The following ZNF613 variants were observed in gnomAD, a reference collection of about 807,000 sequenced individuals.
ZNF613 encodes zinc finger protein 613.
A neutral mutation model predicts 14.3 loss-of-function variants in ZNF613; 8 were observed. The ratio of observed to expected loss-of-function variants is 0.56; its 90% confidence interval spans 0.33 to 1.01. ZNF613 has a LOEUF of 1.01. Ranked by LOEUF, ZNF613 falls within the 50% of genes least tolerant of loss-of-function variation. ZNF613 has a pLI of 0.03. For synonymous variants in ZNF613, 228 were observed against 254.5 expected, an observed-to-expected ratio of 0.90 and a Z score of 0.99; for missense variants, 656 against 741.9, an observed-to-expected ratio of 0.88 and a Z score of 1.35.
At chr19:51,931,795 C>T (rs1348359900) in intron 2 of ZNF613, among the ~76,000 whole-genome samples, 4 of 152,218 alleles carry the variant, frequency 2.6e-5, no homozygotes, top group African/African-American at 9.6e-5. Context: ...CAACTATGTG[C>T]TTTCCGTCTC....
chr19:51,936,363 A>G (rs2085305396), intron 3 of ZNF613, 128 bp downstream of exon 3: 2 of 967,660 alleles, frequency 2.1e-6, no homozygotes, highest in African/African-American at 1.7e-5. Flanking sequence ...GTAAATTTAG[A>G]TTGTAATTTC....
chr19:51,933,485 C>T (rs1003635572), intron 2 of ZNF613, among the ~76,000 whole-genome samples: 1 of 152,098 alleles, frequency 6.6e-6, no homozygotes, highest in Non-Finnish European at 1.5e-5. Context: ...ACTCTGTCAC[C>T]TAGGCTGGAG....
Position 51,936,197 on chromosome 19 carries a change from G to A in ZNF613, c.-24G>A. 6.2e-7 allele frequency: 1 copy of A among 1,603,398 alleles called. No individual in the cohort carries two copies. Among genetic ancestry groups the A allele is most frequent in the Non-Finnish European group, 8.5e-7 (1 of 1,174,968 alleles). On this transcript the variant is annotated 5_prime_UTR_variant, in exon 3 of 6. Coordinates refer to ENST00000293471, the MANE Select transcript of ZNF613 (RefSeq NM_001031721.4). ...TACAGACACAGCATCCTACTTACTG[G>A]CTATTTCCCAGTAACAAAAGAAAAT...
intron 5 of ZNF613, 146 bp from the exon 6 acceptor site, chr19:51,943,973 T>C: frequency 2.0e-6 from 1 of 509,076 alleles, no homozygotes; most frequent in Non-Finnish European, 3.2e-6. Flanking sequence ...TGGTTTATTC[T>C]TGTCCAAGTG....
chr19:51,941,395 G>C lies in ZNF613; in HGVS notation c.235+686G>C, dbSNP rs181354279. 3.2e-3 allele frequency among the ~76,000 whole-genome samples: 493 copies of C among 152,136 alleles called. 1 individual carries two copies. Among genetic ancestry groups the C allele is most frequent in the Non-Finnish European group, 4.6e-3 (311 of 67,988 alleles). On this transcript the variant is annotated intron_variant, in intron 5 of 5. Transcript: ENST00000293471. Reference sequence around the variant, plus strand: ...TCCTCCTTCCATGTCTGTCTCCAAAGAGTGGTCTTGGATATCAGCACTCTC... The same window carrying C: ...TCCTCCTTCCATGTCTGTCTCCAAACAGTGGTCTTGGATATCAGCACTCTC...
chr19:51,945,330 C>A lies in ZNF613; in HGVS notation c.1447C>A (p.Pro483Thr), dbSNP rs750708852. 15 of 1,613,940 alleles carry A rather than the reference C, an allele frequency of 9.3e-6. No individual in the cohort carries two copies. The highest frequency in any genetic ancestry group is 1.2e-5 in the Non-Finnish European group (14 of 1,180,008). ...CCAGAGAATTCACACAGGAGAGAAA[C>A]CCTATACATGCAGTGACTGTGGGAA... is the stretch of plus-strand genomic sequence containing the variant. ...NHQRIHTGEKPYTCSDCGKAF... is the reference protein window; with the variant it reads ...NHQRIHTGEKTYTCSDCGKAF... Residue 483 changes from proline (P) to threonine (T), a missense_variant, in exon 6 of 6, where the codon CCC becomes ACC. Pro to Thr is a conservative substitution (Grantham distance 38). Transcript: ENST00000293471.
At chr19:51,934,433 A>G (rs1297442651) in intron 2 of ZNF613, among the ~76,000 whole-genome samples, 1 of 152,094 alleles carries the variant, frequency 6.6e-6, no homozygotes, top group Non-Finnish European at 1.5e-5. Flanking sequence ...AGGGATAACT[A>G]TTCCCTTGAA....
chr19:51,943,117 A>C (rs561550054), intron 5 of ZNF613, among the ~76,000 whole-genome samples: 1 of 152,376 alleles, frequency 6.6e-6, no homozygotes, highest in East Asian at 1.9e-4. Context: ...GAAAGTATAC[A>C]GGAGAAGGCA....
Position 51,940,243 on chromosome 19 carries a change from T to C in ZNF613, c.50T>C (p.Phe17Ser). 6.2e-7 allele frequency: 1 copy of C among 1,613,778 alleles called. No individual in the cohort carries two copies. Among genetic ancestry groups the C allele is most frequent in the Non-Finnish European group, 8.5e-7 (1 of 1,179,810 alleles). ...SLTLEDVAVE[F>S]TWEEWQLLGP... ...ACCCTGGAGGATGTGGCTGTGGAGT[T>C]CACTTGGGAGGAGTGGCAGCTCCTC... The change falls in exon 4 of 6, where the codon TTC (phenylalanine) becomes TCC (serine). Residue 17 changes from phenylalanine to serine, a missense_variant. Physicochemically the swap from Phe to Ser is radical, Grantham distance 155. Coordinates refer to ENST00000293471, the MANE Select transcript of ZNF613 (RefSeq NM_001031721.4).
intron 5 of ZNF613, chr19:51,942,658 G>A (rs1347751996): frequency 6.6e-6 from 1 of 152,048 alleles, no homozygotes; most frequent in African/African-American, 2.4e-5. Context: ...GTTTGGGGTA[G>A]ACAGGTCATG....
intron 5 of ZNF613, among the ~76,000 whole-genome samples, chr19:51,941,286 T>G (rs975987288): frequency 6.6e-6 from 1 of 152,164 alleles, no homozygotes; most frequent in Non-Finnish European, 1.5e-5. Context: ...GTTTCTTCCT[T>G]TTTAGGATTC....
rs772231049 is a variant in ZNF613, at chr19:51,945,203, G to A, written c.1320G>A (p.Lys440=). The change falls in exon 6 of 6, where the codon AAG becomes AAA. Residue 440 remains lysine (K), a synonymous_variant. Transcript: ENST00000293471. ...AATGTGGGAAAGGCTTCAGCCAGAA[G>A]ACATGTTTAATATCCCATCAGAGAT... ...CNECGKGFSQ[K]TCLISHQRFH... is the part of the protein sequence containing the mutation. 1 of 1,614,168 alleles carries A rather than the reference G, an allele frequency of 6.2e-7. No homozygotes were observed. The highest frequency in any genetic ancestry group is 8.5e-7 in the Non-Finnish European group (1 of 1,180,024).
chr19:51,929,218 T>A (rs532876984), intron 1 of ZNF613, among the ~76,000 whole-genome samples: 208 of 152,066 alleles, frequency 1.4e-3, no homozygotes, highest in African/African-American at 3.9e-3. Context: ...TGTTTAAAAA[T>A]TTTTTTTTAA....
rs8100521 is a variant in ZNF613, at chr19:51,946,390, A to G, written c.*653A>G. The stretch of plus-strand genomic sequence containing the variant: ...CATCATTGGTTAAATTTATAGCACA[A>G]TGTACCTCTTCCCCCTTTTTTGATA... On this transcript the variant is annotated 3_prime_UTR_variant, in exon 6 of 6. Coordinates refer to ENST00000293471, the MANE Select transcript of ZNF613 (RefSeq NM_001031721.4). 24,889 of 152,254 alleles carry G rather than the reference A, an allele frequency of 0.16. 2,679 individuals are homozygous for G. Among genetic ancestry groups the G allele is most frequent in the African/African-American group, 0.3 (12,517 of 41,506 alleles). The allele number at this position is 152,254 out of a possible 1,614,324, so 9.4% of individuals were successfully genotyped here.
chr19:51,936,290 A>T, intron 3 of ZNF613, 55 bp downstream of exon 3: 1 of 1,558,566 alleles, frequency 6.4e-7, no homozygotes, highest in Non-Finnish European at 8.7e-7. Context: ...TTTCTGGAAG[A>T]CTTTAAAAGT....
chr19:51,928,805 T>G (rs1004814384), intron 1 of ZNF613, among the ~76,000 whole-genome samples: 1 of 143,578 alleles, frequency 7.0e-6, no homozygotes, highest in Non-Finnish European at 1.5e-5. Context: ...CAGTGAACTA[T>G]GATTGAGCAC....
chr19:51,946,202 G>A lies in ZNF613; in HGVS notation c.*465G>A, dbSNP rs771689943. 20 of 161,048 alleles carry A rather than the reference G, an allele frequency of 1.2e-4. No individual in the cohort carries two copies. The highest frequency in any genetic ancestry group is 2.2e-4 in the Non-Finnish European group (16 of 73,026). The allele number at this position is 161,048 out of a possible 1,614,324, so 10.0% of individuals were successfully genotyped here. A position where few individuals can be genotyped will look rare whatever the true frequency, so the allele number is the denominator to read the frequency against. ...TTCATCAAAATATGAAAGAACACACGAAGCAAATAAGCCCTGTGAAAAGGA... is the reference window on the plus strand; with the variant it reads ...TTCATCAAAATATGAAAGAACACACAAAGCAAATAAGCCCTGTGAAAAGGA... On this transcript the variant is annotated 3_prime_UTR_variant, in exon 6 of 6. Coordinates refer to ENST00000293471, the MANE Select transcript of ZNF613 (RefSeq NM_001031721.4).
In ZNF613 at chr19:51,944,227, A is replaced by G; in HGVS notation, c.344A>G (p.Gln115Arg). Reference sequence around the variant, plus strand: ...AATGCATTTGGAAACATCATTCATCAGAGGAAAAGTGATTTTCCTTTAAGG... The same window carrying G: ...AATGCATTTGGAAACATCATTCATCGGAGGAAAAGTGATTTTCCTTTAAGG... ...KHNAFGNIIH[Q>R]RKSDFPLRQN... Residue 115 changes from glutamine (Q) to arginine (R), a missense_variant, in exon 6 of 6, where the codon CAG (glutamine) becomes CGG (arginine). Coordinates refer to ENST00000293471, the MANE Select transcript of ZNF613 (RefSeq NM_001031721.4). 1 of 1,611,094 alleles carries G rather than the reference A, an allele frequency of 6.2e-7. No homozygotes were observed. The highest frequency in any genetic ancestry group is 8.5e-7 in the Non-Finnish European group (1 of 1,178,252).
At chr19:51,935,999 A>G in intron 2 of ZNF613, 29 bp from the exon 3 acceptor site, 1 of 424,012 alleles carries the variant, frequency 2.4e-6, no homozygotes, top group South Asian at 6.5e-5. Flanking sequence ...CCTGCAGGGA[A>G]TGTACACTCA....
Sources: gnomAD v4.1 joint callset for allele counts (sites outside exome capture counted in the v4.1 genomes callset) on GRCh38, gnomAD v4.1.1 for gene constraint, MANE v1.5 for transcripts, NCBI Gene and HGNC (gene_info 2026-07-23, HGNC 2026-07-21) for gene names.